Variants in CLCN5 observed in about 807,000 individuals in gnomAD.
CLCN5 encodes Cl-/H+ antiporter 5.
A neutral mutation model predicts 54.0 loss-of-function variants in CLCN5; 17 were observed. The observed-to-expected ratio is 0.31, with a 90% CI of 0.22 to 0.47. The LOEUF is 0.47. Ranked by LOEUF, CLCN5 falls within the 20% of genes least tolerant of loss-of-function variation. The pLI, the probability that CLCN5 is intolerant of heterozygous loss-of-function variation, is 1.00. For synonymous variants in CLCN5, 222 were observed against 233.0 expected (o/e 0.95, Z 0.43); for missense variants, 448 against 646.7 (o/e 0.69, Z 3.33).
chrX:50,019,173 G>C (rs1930938397), intron 3 of CLCN5, among the ~76,000 whole-genome samples: 1 of 111,568 alleles, frequency 9.0e-6, no homozygotes, highest in Middle Eastern at 4.7e-3. Context: ...TTGGTAGATT[G>C]TGTATTTCAA....
At chrX:50,079,779 C>T (rs1021329035) in intron 7 of CLCN5, among the ~76,000 whole-genome samples, 7 of 110,246 alleles carry the variant, frequency 6.3e-5, no homozygotes, top group African/African-American at 2.3e-4. Context: ...ATGGTGGTTA[C>T]CTGGGGCATG....
intron 6 of CLCN5, among the ~76,000 whole-genome samples, chrX:50,074,821 G>A (rs1430984686): frequency 1.8e-5 from 2 of 112,058 alleles, no homozygotes; most frequent in African/African-American, 3.2e-5. Flanking sequence ...TGCTGGAACA[G>A]TCTGGGAATT....
chrX:50,069,734 G>A (rs1245253472), intron 4 of CLCN5, 145 bp from the exon 5 acceptor site: 2 of 1,060,419 alleles, frequency 1.9e-6, no homozygotes, highest in East Asian at 3.4e-5. Flanking sequence ...TGTAATGGAT[G>A]TTCCTACCAG....
Position 50,092,326 on chromosome X carries a change from C to A in CLCN5, c.*107C>A. On this transcript the variant is annotated 3_prime_UTR_variant, in exon 15 of 15. Coordinates refer to ENST00000376091, the MANE Select transcript of CLCN5 (RefSeq NM_001127898.4). ...TTTCCATATTTGGATGGTGAAGTCA[C>A]ATTAGTGTGTTGTCTCTTTCCTACA... 1 of 550,512 alleles carries A rather than the reference C, an allele frequency of 1.8e-6. No homozygotes were observed. The allele number at this position is 550,512 out of a possible 1,213,427, so 45.4% of individuals were successfully genotyped here.
intron 3 of CLCN5, among the ~76,000 whole-genome samples, chrX:50,004,099 A>G (rs1930026901): frequency 1.8e-5 from 2 of 112,075 alleles, no homozygotes; most frequent in African/African-American, 3.2e-5. Context: ...TTAGACACTC[A>G]TGTAGATATG....
chrX:50,057,050 A>G (rs1227111116), intron 4 of CLCN5, among the ~76,000 whole-genome samples: 1 of 111,166 alleles, frequency 9.0e-6, no homozygotes, highest in African/African-American at 3.3e-5. Context: ...AAAGCAGTGG[A>G]TCACTAAATG....
intron 7 of CLCN5, 65 bp from the exon 8 acceptor site, chrX:50,080,529 G>A (rs1354143430): frequency 6.1e-6 from 6 of 978,819 alleles, no homozygotes; most frequent in Non-Finnish European, 8.4e-6. Context: ...ACATTACTCA[G>A]AAGAGCTGCA....
At chrX:50,057,832 A>T (rs1312672846) in intron 4 of CLCN5, among the ~76,000 whole-genome samples, 1 of 110,246 alleles carries the variant, frequency 9.1e-6, no homozygotes, top group Non-Finnish European at 1.9e-5. Flanking sequence ...TTGATTAATT[A>T]TCAGGGCTTC....
chrX:50,003,604 C>G (rs369720332), intron 3 of CLCN5: 1 of 346,315 alleles, frequency 2.9e-6, no homozygotes, highest in African/African-American at 2.6e-5. Flanking sequence ...TTTCCTTGCT[C>G]TCTTGTGCAT....
intron 3 of CLCN5, among the ~76,000 whole-genome samples, chrX:50,025,274 G>A (rs1460771303): frequency 1.5e-5 from 1 of 68,551 alleles, no homozygotes; most frequent in African/African-American, 5.7e-5. Flanking sequence ...TCTTTGACTC[G>A]GAAAGGGAAC....
At chrX:50,088,591 A>G in intron 11 of CLCN5, 107 bp from the exon 12 acceptor site, 1 of 737,617 alleles carries the variant, frequency 1.4e-6, no homozygotes, top group Admixed American at 2.2e-5. Context: ...GCATAGTTAA[A>G]TTGTCATCGG....
At chrX:49,939,972 C>G (rs1926241762) in intron 3 of CLCN5, among the ~76,000 whole-genome samples, 1 of 111,500 alleles carries the variant, frequency 9.0e-6, no homozygotes, top group African/African-American at 3.3e-5. Flanking sequence ...TCCATCTGTC[C>G]TGCATAGTTC....
At chrX:49,933,690 C>T (rs1199875607) in intron 3 of CLCN5, among the ~76,000 whole-genome samples, 2 of 111,614 alleles carry the variant, frequency 1.8e-5, no homozygotes, top group Admixed American at 9.5e-5. Context: ...AATACCTACT[C>T]AGGATTATTG....
rs782043634 is a variant in CLCN5, at chrX:50,033,246, C to T, written c.17-9070C>T. ...TCAAATTGTCCCTGTTTGCAGATGA[C>T]ATGATTGTATATCTAGAAAACCCCA... On this transcript the variant is annotated intron_variant, in intron 3 of 14. Transcript: ENST00000376091. Among the ~76,000 whole-genome samples the T allele has an allele frequency of 1.7e-3, 187 of 111,218 alleles. 1 individual carries two copies. Among genetic ancestry groups the T allele is most frequent in the African/African-American group, 5.9e-3 (182 of 30,617 alleles).
intron 4 of CLCN5, among the ~76,000 whole-genome samples, chrX:50,051,913 T>C (rs891976683): frequency 2.1e-4 from 23 of 111,882 alleles, no homozygotes; most frequent in African/African-American, 7.5e-4. Flanking sequence ...AGGTTGGGTT[T>C]TTTCCCCTTC....
chrX:50,014,693 C>G (rs782768500), intron 3 of CLCN5: 152 of 331,116 alleles, frequency 4.6e-4, no homozygotes, highest in Non-Finnish European at 4.5e-4. Context: ...TCAACTGTAC[C>G]AAGAAGGACA....
At chrX:49,989,079 T>TC (rs1929125599) in intron 3 of CLCN5, among the ~76,000 whole-genome samples, 1 of 108,874 alleles carries the variant, frequency 9.2e-6, no homozygotes, top group South Asian at 4.1e-4. Context: ...TACCTCTTTT[T>TC]TTTTTTTTTT....
Position 50,095,482 on chromosome X carries a change from C to T in CLCN5, c.*3263C>T, listed in dbSNP as rs1001353315. Reference sequence around the variant, plus strand: ...AGTAGAGGTGGTAAGATCCACAGAACAGATATCCTCTGGTAGATAAGCTGA... The same window carrying T: ...AGTAGAGGTGGTAAGATCCACAGAATAGATATCCTCTGGTAGATAAGCTGA... On this transcript the variant is annotated 3_prime_UTR_variant, in exon 15 of 15. Coordinates refer to ENST00000376091, the MANE Select transcript of CLCN5 (RefSeq NM_001127898.4). The T allele has an allele frequency of 8.9e-6, 1 of 112,631 alleles. No homozygotes were observed. Among genetic ancestry groups the T allele is most frequent in the African/African-American group, 3.2e-5 (1 of 31,030 alleles). 9.3% of individuals were successfully genotyped at this position (112,631 alleles called of 1,213,427 possible).
intron 4 of CLCN5, among the ~76,000 whole-genome samples, chrX:50,048,243 G>A (rs934026052): frequency 1.8e-5 from 2 of 112,350 alleles, no homozygotes; most frequent in Non-Finnish European, 3.8e-5. Flanking sequence ...ATCTAATGCC[G>A]CCACTGATCT....
Sources: allele counts gnomAD v4.1 joint callset (sites outside exome capture counted in the v4.1 genomes callset), GRCh38; gene constraint gnomAD v4.1.1; transcripts MANE v1.5; gene names NCBI Gene and HGNC (gene_info 2026-07-23, HGNC 2026-07-21).